TBC1D22A: variants seen among roughly 807,000 people sequenced by gnomAD.
TBC1D22A encodes the protein TBC1 domain family member 22A.
A neutral mutation model predicts 60.2 loss-of-function variants in TBC1D22A; 38 were observed. The observed-to-expected ratio is 0.63, with a 90% CI of 0.49 to 0.83. The LOEUF (loss-of-function observed/expected upper bound fraction) is 0.83, where lower values mean the gene tolerates loss of function less well. Among genes scored for constraint, TBC1D22A ranks in the 40% least tolerant of loss-of-function variants. The pLI is 0.00. For missense variants in TBC1D22A, 628 were observed against 701.0 expected (o/e 0.90, Z 1.18); for synonymous variants, 302 against 281.7 (o/e 1.07, Z -0.72).
rs534611498 is a variant in TBC1D22A, at chr22:46,815,916, G to A, written c.637+18296G>A. ...GGTCGGGGGTGAGTGGAGATAATCG[G>A]CTGGAGCCCGTGGGGTATACCTGCG... On this transcript the variant is annotated intron_variant, in intron 4 of 12. Transcript: ENST00000337137. Among the ~76,000 whole-genome samples, 6 of 152,232 alleles carry A rather than the reference G, an allele frequency of 3.9e-5. No homozygotes were observed. The South Asian group carries it at 1.0e-3, about 26-fold the overall frequency.
chr22:46,928,126 G>GAA (rs56701535), intron 8 of TBC1D22A, among the ~76,000 whole-genome samples: 1 of 146,332 alleles, frequency 6.8e-6, no homozygotes, highest in African/African-American at 2.5e-5. Flanking sequence ...TAACAGTCTT[G>GAA]AAAAAAAAAA....
At chr22:46,995,221 A>C (rs1285487260) in intron 9 of TBC1D22A, among the ~76,000 whole-genome samples, 1 of 152,166 alleles carries the variant, frequency 6.6e-6, no homozygotes, top group Non-Finnish European at 1.5e-5. Flanking sequence ...CCCTCCTGCT[A>C]CACAAGGTCA....
intron 12 of TBC1D22A, among the ~76,000 whole-genome samples, chr22:47,135,818 AG>A (rs2066845767): frequency 6.6e-6 from 1 of 152,206 alleles, no homozygotes; most frequent in Non-Finnish European, 1.5e-5. Flanking sequence ...TTGTTCACTG[AG>A]CACGCGCCAC....
intron 9 of TBC1D22A, among the ~76,000 whole-genome samples, chr22:46,979,987 C>T (rs1301132723): frequency 1.3e-5 from 2 of 151,850 alleles, no homozygotes; most frequent in African/African-American, 2.4e-5. Context: ...TCACAGCAGA[C>T]GAAGTACAAA....
In TBC1D22A at chr22:47,031,860, C is replaced by T. The variant is rs183355429; in HGVS notation, c.1202-5211C>T. Among the ~76,000 whole-genome samples, 225 of 152,276 alleles carry T rather than the reference C, an allele frequency of 1.5e-3. 1 individual carries two copies. Among genetic ancestry groups the T allele is most frequent in the East Asian group, 8.1e-3 (42 of 5,172 alleles). On this transcript the variant is annotated intron_variant, in intron 10 of 12. Transcript: ENST00000337137. Reference sequence around the variant, plus strand: ...AACGGGCTCCTTCTCCTCAAGTCAGCGTCCCTCAGGGAGGGGCTGAGGGCT... The same window carrying T: ...AACGGGCTCCTTCTCCTCAAGTCAGTGTCCCTCAGGGAGGGGCTGAGGGCT...
intron 4 of TBC1D22A, among the ~76,000 whole-genome samples, chr22:46,818,898 TGTTA>T (rs1233088855): frequency 1.3e-5 from 2 of 152,202 alleles, no homozygotes; most frequent in Admixed American, 1.3e-4. Context: ...GTTTATATTC[TGTTA>T]CTTCCTTGAG....
chr22:46,823,400 C>T (rs1421709941), intron 4 of TBC1D22A, among the ~76,000 whole-genome samples: 1 of 152,248 alleles, frequency 6.6e-6, no homozygotes, highest in Admixed American at 6.5e-5. Flanking sequence ...CATTCAGTTT[C>T]TGTTCTTCGT....
intron 12 of TBC1D22A, among the ~76,000 whole-genome samples, chr22:47,131,150 C>T (rs528299391): frequency 1.3e-5 from 2 of 152,342 alleles, no homozygotes; most frequent in Admixed American, 6.5e-5. Context: ...AGGGAACCAC[C>T]TCCATGACCC....
intron 11 of TBC1D22A, among the ~76,000 whole-genome samples, chr22:47,076,361 G>GTGTATATATATA (rs1392245000): frequency 1.3e-3 from 128 of 101,832 alleles, no homozygotes; most frequent in Middle Eastern, 5.0e-3. Flanking sequence ...ATATGTGTGT[G>GTGTATATATATA]TATATATATA....
intron 11 of TBC1D22A, among the ~76,000 whole-genome samples, chr22:47,044,255 G>C (rs1174952998): frequency 6.6e-6 from 1 of 152,202 alleles, no homozygotes. Flanking sequence ...ATTTATGCTG[G>C]ATGTAAACGA....
chr22:46,941,930 TGTATACAC>T (rs1260975887), intron 8 of TBC1D22A, among the ~76,000 whole-genome samples: 18 of 102,702 alleles, frequency 1.8e-4, no homozygotes, highest in African/African-American at 5.9e-4. Context: ...TATGTATGTA[TGTATACAC>T]ACACACACAC....
chr22:47,034,447 A>T (rs2062587588), intron 10 of TBC1D22A, among the ~76,000 whole-genome samples: 1 of 150,616 alleles, frequency 6.6e-6, no homozygotes, highest in Non-Finnish European at 1.5e-5. Flanking sequence ...GAGAATCTGT[A>T]TTTAACAGCT....
intron 9 of TBC1D22A, among the ~76,000 whole-genome samples, chr22:46,993,900 C>T (rs1185473748): frequency 1.3e-5 from 2 of 152,194 alleles, no homozygotes; most frequent in Non-Finnish European, 2.9e-5. Flanking sequence ...GCCAGGAGGG[C>T]CCAGACCGAC....
chr22:47,017,261 A>G (rs2061940044), intron 10 of TBC1D22A, among the ~76,000 whole-genome samples: 1 of 152,162 alleles, frequency 6.6e-6, no homozygotes, highest in South Asian at 2.1e-4. Flanking sequence ...TGAAAGTCAC[A>G]TGGGCGCATG....
intron 4 of TBC1D22A, among the ~76,000 whole-genome samples, chr22:46,823,525 A>G (rs1291197547): frequency 2.6e-5 from 4 of 152,172 alleles, no homozygotes; most frequent in African/African-American, 9.6e-5. Flanking sequence ...GCTGTGTGGC[A>G]GGTGCCCGCG....
intron 11 of TBC1D22A, among the ~76,000 whole-genome samples, chr22:47,051,775 G>A (rs73888843): frequency 0.053 from 8,038 of 152,194 alleles, 218 homozygotes; most frequent in Middle Eastern, 0.071. Context: ...CCTTCCTCTC[G>A]CGCTCCTCTG....
chr22:47,018,591 C>T (rs979913684), intron 10 of TBC1D22A, among the ~76,000 whole-genome samples: 4 of 152,158 alleles, frequency 2.6e-5, no homozygotes, highest in African/African-American at 9.7e-5. Context: ...CTGTTGGTGG[C>T]TGTTTAGTGA....
At chr22:47,033,009 C>T (rs892023143) in intron 10 of TBC1D22A, among the ~76,000 whole-genome samples, 6 of 152,248 alleles carry the variant, frequency 3.9e-5, no homozygotes, top group Non-Finnish European at 1.5e-5. Context: ...GCTGCTCTTC[C>T]CCAAGTAGCC....
At chr22:47,170,338 T>A (rs2068383668) in intron 12 of TBC1D22A, among the ~76,000 whole-genome samples, 1 of 152,184 alleles carries the variant, frequency 6.6e-6, no homozygotes, top group Admixed American at 6.5e-5. Context: ...GAGGTCATGA[T>A]AATATGAAGC....
Sources: gnomAD v4.1 joint callset for allele counts (sites outside exome capture counted in the v4.1 genomes callset) on GRCh38, gnomAD v4.1.1 for gene constraint, MANE v1.5 for transcripts, NCBI Gene and HGNC (gene_info 2026-07-23, HGNC 2026-07-21) for gene names.